RUFY3: variants seen among roughly 807,000 people sequenced by gnomAD.
RUFY3 encodes the protein protein RUFY3.
In RUFY3, 34 loss-of-function variants were observed where a neutral mutation model predicts 84.0. The observed-to-expected ratio is 0.40, with a 90% CI of 0.31 to 0.54. The LOEUF is 0.54. Among genes scored for constraint, RUFY3 ranks in the 20% least tolerant of loss-of-function variants. The pLI is 0.39. For missense variants in RUFY3, 507 were observed against 736.8 expected, an observed-to-expected ratio of 0.69 and a Z score of 3.61; for synonymous variants, 242 against 252.9, an observed-to-expected ratio of 0.96 and a Z score of 0.41.
At chr4:70,756,691 C>T (rs1387500575) in intron 1 of RUFY3, among the ~76,000 whole-genome samples, 4 of 152,182 alleles carry the variant, frequency 2.6e-5, no homozygotes, top group South Asian at 2.1e-4. Flanking sequence ...TAGAAACACA[C>T]GGGGCCCCTA....
chr4:70,788,822 T>A lies in RUFY3; in HGVS notation c.1088T>A (p.Leu363Gln). ...TGGGGGCAGGATGTTGAGAAAGAAC[T>A]GGAGATGCAGATCAGCATGAGGCAG... ...TQLRLDVEKELEMQISMRQEM... is the reference protein window; with the variant it reads ...TQLRLDVEKEQEMQISMRQEM... The change falls in exon 11 of 18, where the codon CTG becomes CAG. Residue 363 changes from leucine (L) to glutamine (Q), a missense_variant. Leu to Gln is a moderately radical substitution (Grantham distance 113, BLOSUM62 -2). Around this residue, in one of 4 missense-constraint regions of RUFY3, gnomAD observed 334 missense variants for 364.1 expected, o/e 0.92. Coordinates refer to ENST00000381006, the MANE Select transcript of RUFY3 (RefSeq NM_001037442.4). The A allele has an allele frequency of 6.8e-6, 11 of 1,614,020 alleles. No homozygotes were observed. Among genetic ancestry groups the A allele is most frequent in the Non-Finnish European group, 8.5e-6 (10 of 1,179,956 alleles).
chr4:70,781,131 C>T (rs1351861516), intron 8 of RUFY3, among the ~76,000 whole-genome samples: 2 of 151,578 alleles, frequency 1.3e-5, no homozygotes, highest in Non-Finnish European at 2.9e-5. Flanking sequence ...ACCTCTTTTC[C>T]CCTCCTGGGT....
At chr4:70,720,034 C>CTA (rs1341879576), upstream of RUFY3, among the ~76,000 whole-genome samples, 1 of 152,012 alleles carries the variant, frequency 6.6e-6, no homozygotes, top group Non-Finnish European at 1.5e-5. Context: ...ATAAATAAGC[C>CTA]TATATATATG....
At chr4:70,715,365 C>G (rs1741439238) in intron 1 of RUFY3, among the ~76,000 whole-genome samples, 2 of 152,156 alleles carry the variant, frequency 1.3e-5, no homozygotes, top group East Asian at 3.9e-4. Context: ...ACGTGGATCT[C>G]TCGAGGTCAG....
At chr4:70,800,317 A>G (rs1391053907) in intron 15 of RUFY3, 112 bp downstream of exon 15, 4 of 708,238 alleles carry the variant, frequency 5.6e-6, no homozygotes, top group African/African-American at 1.9e-5. Flanking sequence ...GACTTATAAT[A>G]TTAATATGCC....
In RUFY3 at chr4:70,801,972, G is replaced by T. The variant is rs1181846355; in HGVS notation, c.1623-984G>T. On this transcript the variant is annotated intron_variant, in intron 15 of 17. Transcript: ENST00000381006. ...TTAGGTCCTGAGAATATGGAACAGT[G>T]CTTCCTTATATCTGAATTGTGCTCT... Among the ~76,000 whole-genome samples the T allele has an allele frequency of 3.9e-5, 6 of 152,180 alleles. No homozygotes were observed. In the East Asian group the frequency reaches 1.2e-3, roughly 29 times the overall value.
At chr4:70,782,112 C>T (rs992792840) in intron 8 of RUFY3, among the ~76,000 whole-genome samples, 2 of 151,982 alleles carry the variant, frequency 1.3e-5, no homozygotes, top group Admixed American at 6.6e-5. Context: ...TCTTATAGAG[C>T]GTTTGTCACA....
Position 70,776,504 on chromosome 4 carries a change from G to A in RUFY3, c.824+1271G>A, listed in dbSNP as rs548707991. The stretch of plus-strand genomic sequence containing the variant: ...TTAAAAATTAAAGAGGCCGGGAGCA[G>A]TGGCTCACGCCTATAATCCCAGCAC... On this transcript the variant is annotated intron_variant, in intron 7 of 17. Transcript: ENST00000381006. Among the ~76,000 whole-genome samples, 156 of 152,330 alleles carry A rather than the reference G, an allele frequency of 1.0e-3. 1 individual carries two copies. The highest frequency in any genetic ancestry group is 3.7e-3 in the African/African-American group (154 of 41,574).
intron 12 of RUFY3, chr4:70,789,865 T>C (rs1437236601): frequency 2.0e-5 from 22 of 1,088,058 alleles, no homozygotes; most frequent in Non-Finnish European, 2.4e-5. Context: ...TCTTAATCCA[T>C]GTCAGAGTCA....
chr4:70,763,408 A>G (rs1725355533), intron 2 of RUFY3, 144 bp from the exon 3 acceptor site: 2 of 582,868 alleles, frequency 3.4e-6, no homozygotes, highest in South Asian at 3.0e-5. Flanking sequence ...AATATTATCT[A>G]TTCTAAAAGC....
intron 1 of RUFY3, among the ~76,000 whole-genome samples, chr4:70,760,554 A>T (rs74955000): frequency 0.012 from 1,657 of 138,072 alleles, 29 homozygotes; most frequent in Admixed American, 0.038. Context: ...CCCCAGCTCT[A>T]TTTTTTTTTT....
intron 7 of RUFY3, among the ~76,000 whole-genome samples, chr4:70,777,717 G>T (rs191401167): frequency 1.8e-4 from 28 of 152,200 alleles, no homozygotes; most frequent in African/African-American, 4.3e-4. Context: ...TAACATAAAG[G>T]GTTGTTGAAA....
chr4:70,748,755 T>C (rs934467387), intron 1 of RUFY3, among the ~76,000 whole-genome samples: 28 of 152,152 alleles, frequency 1.8e-4, no homozygotes, highest in African/African-American at 5.8e-4. Context: ...GTGTTGCAGA[T>C]GAAGAAGGCC....
chr4:70,789,572 C>A lies in RUFY3; in HGVS notation c.1317C>A (p.Thr439=). Residue 439 remains threonine (T), a synonymous_variant, in exon 12 of 18, where the codon ACC becomes ACA. Transcript: ENST00000381006. ...LEEKTNQMAA[T]IKQLEQRLRQ... ...AGAAGACTAATCAGATGGCTGCTAC[C>A]ATTAAACAACTTGAACAAAGGTAAA... is the stretch of plus-strand genomic sequence containing the variant. The A allele has an allele frequency of 6.2e-7, 1 of 1,612,354 alleles. No individual in the cohort carries two copies. Among genetic ancestry groups the A allele is most frequent in the South Asian group, 1.1e-5 (1 of 90,824 alleles).
chr4:70,754,254 T>C (rs1471859088), intron 1 of RUFY3, among the ~76,000 whole-genome samples: 3 of 152,094 alleles, frequency 2.0e-5, no homozygotes, highest in Non-Finnish European at 4.4e-5. Flanking sequence ...GGCTTCCCCA[T>C]GTTGGCCAGG....
Position 70,722,439 on chromosome 4 carries a change from C to G in RUFY3, c.-135C>G, listed in dbSNP as rs1742425934. 3 of 1,372,572 alleles carry G rather than the reference C, an allele frequency of 2.2e-6. No individual in the cohort carries two copies. The highest frequency in any genetic ancestry group is 2.9e-5 in the Admixed American group (1 of 34,394). The allele number at this position is 1,372,572 out of a possible 1,614,324, so 85.0% of individuals were successfully genotyped here. On this transcript the variant is annotated 5_prime_UTR_variant, in exon 1 of 18. Transcript: ENST00000381006. ...CTTTTTTTTTTTTTTAAACCTCCCC[C>G]ACCCTTTTCCTGAAAGCTTTGTTTC...
chr4:70,766,954 G>T (rs1475008147), intron 4 of RUFY3, among the ~76,000 whole-genome samples: 1 of 152,126 alleles, frequency 6.6e-6, no homozygotes, highest in Non-Finnish European at 1.5e-5. Context: ...GTTACCAGGG[G>T]TTTACTGTCT....
intron 14 of RUFY3, among the ~76,000 whole-genome samples, chr4:70,797,181 G>A (rs958719258): frequency 1.3e-5 from 2 of 152,010 alleles, no homozygotes; most frequent in African/African-American, 4.8e-5. Context: ...GGGCTCAAGC[G>A]ATATGCCTGC....
chr4:70,796,410 A>G (rs911429992), intron 14 of RUFY3, among the ~76,000 whole-genome samples: 3 of 152,164 alleles, frequency 2.0e-5, no homozygotes, highest in Non-Finnish European at 4.4e-5. Flanking sequence ...GGATTGTACT[A>G]TGAAGTTGTT....
Sources: gnomAD v4.1 joint callset for allele counts (sites outside exome capture counted in the v4.1 genomes callset) on GRCh38, gnomAD v4.1.1 for gene constraint, gnomAD v4.1.1 regional missense constraint, MANE v1.5 for transcripts, NCBI Gene and HGNC (gene_info 2026-07-23, HGNC 2026-07-21) for gene names.